Variants in NEDD9 observed in about 807,000 individuals in gnomAD.
NEDD9 encodes neural precursor cell expressed, developmentally down-regulated 9.
NEDD9 carries 26 observed loss-of-function variants against 76.6 expected under a neutral mutation model. That is an observed-to-expected ratio of 0.34 (90% CI 0.25 to 0.47). NEDD9 has a LOEUF of 0.47. Ranked by LOEUF, NEDD9 falls within the 20% of genes least tolerant of loss-of-function variation. The probability of loss-of-function intolerance (pLI) is 1.00; values close to 1 mark genes in which losing one functional copy is unlikely to be tolerated. For missense variants in NEDD9, 937 were observed against 1,058.5 expected, an observed-to-expected ratio of 0.89 and a Z score of 1.59; for synonymous variants, 392 against 414.2, an observed-to-expected ratio of 0.95 and a Z score of 0.65.
chr6:11,268,179 G>A (rs559005431), intron 3 of NEDD9, among the ~76,000 whole-genome samples: 6 of 131,568 alleles, frequency 4.6e-5, no homozygotes, highest in East Asian at 4.6e-4. Context: ...ACAGGCATGC[G>A]CCACCGAGAC....
At chr6:11,366,011 C>A (rs9394071) in intron 1 of NEDD9, among the ~76,000 whole-genome samples, 2 of 151,214 alleles carry the variant, frequency 1.3e-5, no homozygotes, top group East Asian at 3.9e-4. Context: ...AGAGGCTGGG[C>A]GTGGTGGCTC....
chr6:11,193,305 T>A (rs1169508484), intron 3 of NEDD9, among the ~76,000 whole-genome samples: 1 of 150,138 alleles, frequency 6.7e-6, no homozygotes, highest in Non-Finnish European at 1.5e-5. Flanking sequence ...AGTGAGATTC[T>A]GTCTTAAAAA....
intron 3 of NEDD9, among the ~76,000 whole-genome samples, chr6:11,267,926 A>G (rs1466778173): frequency 6.6e-6 from 1 of 152,250 alleles, no homozygotes; most frequent in Non-Finnish European, 1.5e-5. Flanking sequence ...ACTGACCCTC[A>G]GGCTTCACCC....
At chr6:11,304,968 C>T (rs1761142757) in intron 3 of NEDD9, 1 of 717,412 alleles carries the variant, frequency 1.4e-6, no homozygotes, top group Non-Finnish European at 2.0e-6. Context: ...AAAAAACCCA[C>T]AGTGATATGA....
At chr6:11,267,430 C>T (rs1760221382) in intron 3 of NEDD9, among the ~76,000 whole-genome samples, 2 of 150,136 alleles carry the variant, frequency 1.3e-5, no homozygotes. Context: ...GGATGTAGTT[C>T]CCAAGTATCT....
chr6:11,358,079 C>A (rs1290398713), intron 1 of NEDD9, among the ~76,000 whole-genome samples: 2 of 152,020 alleles, frequency 1.3e-5, no homozygotes, highest in Non-Finnish European at 2.9e-5. Context: ...GAAACCCCGT[C>A]TCTACTAAAA....
chr6:11,240,060 A>AAAAG (rs1561803120), intron 3 of NEDD9, among the ~76,000 whole-genome samples: 7 of 149,258 alleles, frequency 4.7e-5, no homozygotes, highest in African/African-American at 9.9e-5. Context: ...AAAAAAAAAA[A>AAAAG]AAAGAAATTT....
chr6:11,360,228 G>T (rs1762653878), intron 1 of NEDD9, among the ~76,000 whole-genome samples: 1 of 152,324 alleles, frequency 6.6e-6, no homozygotes, highest in African/African-American at 2.4e-5. Context: ...CCCCATTAGG[G>T]TGAAGAGGGT....
intron 3 of NEDD9, among the ~76,000 whole-genome samples, chr6:11,253,744 T>C (rs535616176): frequency 6.6e-6 from 1 of 152,186 alleles, no homozygotes; most frequent in Non-Finnish European, 1.5e-5. Flanking sequence ...ATACTTTAAG[T>C]GCATATGTGA....
In NEDD9 at chr6:11,285,625, T is replaced by C. The variant is rs578105710; in HGVS notation, c.12+20367A>G. Among the ~76,000 whole-genome samples the C allele has an allele frequency of 2.2e-3, 342 of 152,248 alleles. 1 individual carries two copies. Among genetic ancestry groups the C allele is most frequent in the African/African-American group, 7.3e-3 (304 of 41,562 alleles). On this transcript the variant is annotated intron_variant, in intron 3 of 3. Coordinates refer to the NEDD9 transcript ENST00000397378. ...GATTAATACTGCCGGATTTCAAGAATTGCAAAACTATACTAATCAAGACAA... is the reference window on the plus strand; with the variant it reads ...GATTAATACTGCCGGATTTCAAGAACTGCAAAACTATACTAATCAAGACAA...
chr6:11,218,467 G>A (rs1271505265), intron 1 of NEDD9, among the ~76,000 whole-genome samples: 2 of 151,212 alleles, frequency 1.3e-5, no homozygotes, highest in African/African-American at 4.9e-5. Context: ...TTCAAAGGCT[G>A]TTTCCTTTCC....
intron 3 of NEDD9, among the ~76,000 whole-genome samples, chr6:11,304,351 G>A (rs1761126023): frequency 6.6e-6 from 1 of 152,224 alleles, no homozygotes; most frequent in African/African-American, 2.4e-5. Context: ...GTTTTACACT[G>A]TTGGTGGGAG....
chr6:11,259,622 A>G (rs914496658), intron 3 of NEDD9, among the ~76,000 whole-genome samples: 16 of 152,238 alleles, frequency 1.1e-4, no homozygotes, highest in African/African-American at 3.4e-4. Flanking sequence ...TTGAAGCAAA[A>G]GAAAAAACCA....
chr6:11,204,821 T>C (rs1383994518), intron 2 of NEDD9, among the ~76,000 whole-genome samples: 4 of 151,934 alleles, frequency 2.6e-5, no homozygotes, highest in Admixed American at 1.3e-4. Flanking sequence ...TCAGTGGTAC[T>C]GGAGTCTAGA....
intron 1 of NEDD9, among the ~76,000 whole-genome samples, chr6:11,361,105 A>G (rs1040328193): frequency 1.3e-5 from 2 of 152,244 alleles, no homozygotes; most frequent in Non-Finnish European, 1.5e-5. Context: ...AATGGTCTCC[A>G]GAAATATGCA....
At position 11,241,813 on chromosome 6, in the gene NEDD9, G is replaced by A. The variant is rs999541519; in HGVS notation, c.13-28086C>T. Among the ~76,000 whole-genome samples, 1 of 152,324 alleles carries A rather than the reference G, an allele frequency of 6.6e-6. No homozygotes were observed. Among genetic ancestry groups the A allele is most frequent in the South Asian group, 2.1e-4 (1 of 4,828 alleles). The stretch of plus-strand genomic sequence containing the variant: ...CCCTCATCAGCTGAGGCCGGCCAAT[G>A]TCCAGCAGGCCCCGGGCCCAGAGCC... On this transcript the variant is annotated intron_variant, in intron 3 of 3. Transcript: ENST00000397378. This position sits in a 1 kb window ranked among gnomAD's most constrained non-coding sequence, Gnocchi z 4.0.
chr6:11,260,780 A>C (rs1372219088), intron 3 of NEDD9, among the ~76,000 whole-genome samples: 1 of 152,194 alleles, frequency 6.6e-6, no homozygotes, highest in Admixed American at 6.5e-5. Flanking sequence ...ATAGTCACAC[A>C]CTATTTCTCA....
intron 3 of NEDD9, among the ~76,000 whole-genome samples, chr6:11,282,081 T>C (rs1760548971): frequency 6.6e-6 from 1 of 152,240 alleles, no homozygotes; most frequent in African/African-American, 2.4e-5. Flanking sequence ...TGTGACATCA[T>C]GAATGCTTTT....
chr6:11,340,040 T>A (rs1239145519), intron 1 of NEDD9, among the ~76,000 whole-genome samples: 1 of 152,236 alleles, frequency 6.6e-6, no homozygotes, highest in Non-Finnish European at 1.5e-5. Context: ...CAAGTTCAGG[T>A]GACCTTCAGA....
Sources: gnomAD v4.1 joint callset for allele counts (sites outside exome capture counted in the v4.1 genomes callset) on GRCh38, gnomAD v4.1.1 for gene constraint, Gnocchi (gnomAD v3.1) non-coding constraint, MANE v1.5 for transcripts, NCBI Gene and HGNC (gene_info 2026-07-23, HGNC 2026-07-21) for gene names.